The following NBAS variants were observed in gnomAD, a reference collection of about 807,000 sequenced individuals.
NBAS encodes the protein NBAS subunit of NRZ tethering complex, also known as NAG/BC035112 fusion.
In NBAS, 219 loss-of-function variants were observed where a neutral mutation model predicts 302.5. The observed-to-expected ratio is 0.72, with a 90% CI of 0.65 to 0.81. The LOEUF (loss-of-function observed/expected upper bound fraction) is 0.81. Among genes scored for constraint, NBAS ranks in the 30% least tolerant of loss-of-function variants. The pLI is 0.00. For synonymous variants in NBAS, 1,118 were observed against 1,021.6 expected, an observed-to-expected ratio of 1.09 and a Z score of -1.80; for missense variants, 2,932 against 2,841.6, an observed-to-expected ratio of 1.03 and a Z score of -0.72.
chr2:14,897,763 A>T, the NBAS span, among the ~76,000 whole-genome samples: 1 of 152,118 alleles, frequency 6.6e-6, no homozygotes, highest in Non-Finnish European at 1.5e-5. Context: ...CTCAGAAGGG[A>T]TCTTTCCATT....
At chr2:15,476,117 A>G (rs555080314) in intron 13 of NBAS, among the ~76,000 whole-genome samples, 131 of 152,284 alleles carry the variant, frequency 8.6e-4, no homozygotes, top group African/African-American at 3.1e-3. Context: ...GTCTAGGTCT[A>G]AAATTCTAAG....
intron 21 of NBAS, among the ~76,000 whole-genome samples, chr2:15,441,603 G>A (rs1410693250): frequency 4.0e-5 from 6 of 150,000 alleles, no homozygotes; most frequent in Non-Finnish European, 7.4e-5. Context: ...ATCAACTAAC[G>A]AGCAAAATAA....
chr2:15,223,983 A>T (rs918254002), intron 47 of NBAS, among the ~76,000 whole-genome samples: 4 of 152,234 alleles, frequency 2.6e-5, no homozygotes, highest in African/African-American at 9.6e-5. Flanking sequence ...CGCTATTTTT[A>T]AAAATTTGCT....
At chr2:14,885,413 T>C in the NBAS span, among the ~76,000 whole-genome samples, 1 of 152,154 alleles carries the variant, frequency 6.6e-6, no homozygotes, top group Non-Finnish European at 1.5e-5. Flanking sequence ...AGATACAGAA[T>C]ACTAGAAGAG....
intron 48 of NBAS, 131 bp downstream of exon 48, chr2:15,218,642 G>A: frequency 4.4e-6 from 5 of 1,132,348 alleles, no homozygotes; most frequent in Non-Finnish European, 5.3e-6. Flanking sequence ...GTGCCAGGCT[G>A]GTCTTGAACT....
chr2:15,180,748 T>G (rs1281085468), intron 50 of NBAS, among the ~76,000 whole-genome samples: 1 of 152,176 alleles, frequency 6.6e-6, no homozygotes, highest in Non-Finnish European at 1.5e-5. Context: ...GAACTGCATT[T>G]TTAATTTTAC....
chr2:14,869,828 T>C, the NBAS span, among the ~76,000 whole-genome samples: 2 of 152,200 alleles, frequency 1.3e-5, no homozygotes, highest in Non-Finnish European at 2.9e-5. Context: ...TATTCTCCTC[T>C]GTGGCCATTG....
intron 48 of NBAS, among the ~76,000 whole-genome samples, chr2:15,203,505 A>G (rs961629690): frequency 6.6e-6 from 1 of 152,210 alleles, no homozygotes; most frequent in Non-Finnish European, 1.5e-5. Context: ...CCAGTTAGAA[A>G]TTATGCAGGG....
In NBAS at chr2:15,468,480, A is replaced by AGT; in HGVS notation, c.1778_1779insAC (p.Glu594LeufsTer15). 6.2e-7 allele frequency: 1 copy of AGT among 1,614,074 alleles called. No homozygotes were observed. The highest frequency in any genetic ancestry group is 1.7e-5 in the Admixed American group (1 of 60,004). ...GTTCTTTTGCAGCATCCACATTTTC[A>AGT]GGAACTCTTTCCAAACACTCATGGA... On this transcript the variant is annotated frameshift_variant, in exon 17 of 52. Coordinates refer to ENST00000281513, the MANE Select transcript of NBAS (RefSeq NM_015909.4). LOFTEE classifies it high-confidence loss of function.
chr2:14,985,703 C>T, the NBAS span, among the ~76,000 whole-genome samples: 1 of 152,144 alleles, frequency 6.6e-6, no homozygotes, highest in Non-Finnish European at 1.5e-5. Context: ...TGTCTAGAAG[C>T]TAGTGGGGTA....
chr2:15,394,141 C>A, intron 28 of NBAS, 86 bp downstream of exon 28: 2 of 1,397,292 alleles, frequency 1.4e-6, no homozygotes, highest in Non-Finnish European at 1.9e-6. Context: ...TTAGTTATAA[C>A]ACAATGAGGT....
At chr2:15,481,283 G>A (rs776123985) in intron 12 of NBAS, among the ~76,000 whole-genome samples, 44 of 152,260 alleles carry the variant, frequency 2.9e-4, no homozygotes, top group Non-Finnish European at 5.0e-4. Context: ...CTGCTGCTAT[G>A]AATATGTAGG....
the NBAS span, among the ~76,000 whole-genome samples, chr2:15,104,333 T>C: frequency 6.6e-6 from 1 of 152,198 alleles, no homozygotes; most frequent in South Asian, 2.1e-4. Context: ...ATTAGCAGCA[T>C]GAAAGAAGAC....
At chr2:15,246,274 G>A (rs1668091389) in intron 44 of NBAS, among the ~76,000 whole-genome samples, 1 of 152,158 alleles carries the variant, frequency 6.6e-6, no homozygotes, top group Non-Finnish European at 1.5e-5. Flanking sequence ...CTCCTCTGAG[G>A]AGCCTTCCTG....
At chr2:15,094,243 A>T in the NBAS span, among the ~76,000 whole-genome samples, 1 of 152,206 alleles carries the variant, frequency 6.6e-6, no homozygotes, top group Non-Finnish European at 1.5e-5. Context: ...TGGAAAGAAC[A>T]TATTTCCCTC....
the NBAS span, among the ~76,000 whole-genome samples, chr2:15,106,723 A>C: frequency 6.6e-6 from 1 of 152,036 alleles, no homozygotes; most frequent in Admixed American, 6.6e-5. Context: ...GTTCGTCCAG[A>C]ATCACACTCT....
At chr2:14,801,433 T>A in the NBAS span, among the ~76,000 whole-genome samples, 29 of 152,230 alleles carry the variant, frequency 1.9e-4, no homozygotes, top group African/African-American at 7.0e-4. Flanking sequence ...ATGATTAATT[T>A]ACTATTAATC....
rs377037220 is a variant in NBAS, at chr2:15,474,164, C to A, written c.1502G>T (p.Arg501Leu). ...TGGGCGTTTCCGTGGTGGTGCAAAT[C>A]GCTCCATTTCAGTCACCAAGTAAAG... ...QGLYLVTEME[R>L]FAPPRKRPRT... is the part of the protein sequence containing the mutation. Residue 501 changes from arginine (R) to leucine (L), a missense_variant, in exon 15 of 52, where the codon CGA becomes CTA. Physicochemically the swap from Arg to Leu is moderately radical, Grantham distance 102 (BLOSUM62 -2). Coordinates refer to ENST00000281513, the MANE Select transcript of NBAS (RefSeq NM_015909.4). 6.2e-7 allele frequency: 1 copy of A among 1,614,016 alleles called. No individual in the cohort carries two copies. Among genetic ancestry groups the A allele is most frequent in the Non-Finnish European group, 8.5e-7 (1 of 1,179,986 alleles).
At chr2:14,797,362 T>G in the NBAS span, among the ~76,000 whole-genome samples, 1 of 152,212 alleles carries the variant, frequency 6.6e-6, no homozygotes, top group African/African-American at 2.4e-5. Context: ...CCAATGTAGC[T>G]TTCTTGCCCT....
Sources: gnomAD v4.1 joint callset for allele counts (sites outside exome capture counted in the v4.1 genomes callset) on GRCh38, gnomAD v4.1.1 for gene constraint, MANE v1.5 for transcripts, NCBI Gene and HGNC (gene_info 2026-07-23, HGNC 2026-07-21) for gene names.